Variants in NDST4 observed in about 807,000 individuals in gnomAD.
NDST4 encodes the protein N-heparan sulfate sulfotransferase 4.
A neutral mutation model predicts 100.8 loss-of-function variants in NDST4; 63 were observed. The observed-to-expected ratio is 0.62, with a 90% CI of 0.51 to 0.77. NDST4 has a LOEUF of 0.77. Among genes scored for constraint, NDST4 ranks in the 30% least tolerant of loss-of-function variants. NDST4 has a pLI of 0.00. For missense variants in NDST4, 943 were observed against 1,018.4 expected (o/e 0.93, Z 1.01); for synonymous variants, 377 against 361.8 (o/e 1.04, Z -0.48).
intron 2 of NDST4, among the ~76,000 whole-genome samples, chr4:115,056,311 C>T (rs1029098655): frequency 1.3e-5 from 2 of 152,002 alleles, no homozygotes; most frequent in East Asian, 1.9e-4. Flanking sequence ...TATGATCACT[C>T]CAGTCTGGGC....
chr4:115,051,381 C>A (rs941041505), intron 2 of NDST4, among the ~76,000 whole-genome samples: 38 of 152,110 alleles, frequency 2.5e-4, no homozygotes, highest in African/African-American at 8.7e-4. Context: ...GTAATAACCA[C>A]ATTTACGTTC....
chr4:114,882,692 A>G (rs1724396137), intron 6 of NDST4, among the ~76,000 whole-genome samples: 2 of 152,130 alleles, frequency 1.3e-5, no homozygotes, highest in Admixed American at 6.6e-5. Context: ...GTGGTGCAGA[A>G]GAAAATTTAA....
At chr4:114,981,281 A>G (rs1305563656) in intron 2 of NDST4, among the ~76,000 whole-genome samples, 1 of 151,894 alleles carries the variant, frequency 6.6e-6, no homozygotes, top group East Asian at 1.9e-4. Context: ...AAGCAGGAAA[A>G]AGAATGAGAG....
intron 4 of NDST4, among the ~76,000 whole-genome samples, chr4:114,941,652 G>A (rs1725753529): frequency 6.6e-6 from 1 of 152,148 alleles, no homozygotes; most frequent in African/African-American, 2.4e-5. Flanking sequence ...AGTGTTTGGT[G>A]CCCATTTGCA....
intron 2 of NDST4, among the ~76,000 whole-genome samples, chr4:115,063,627 TC>T (rs1219559835): frequency 6.6e-6 from 1 of 151,508 alleles, no homozygotes; most frequent in Non-Finnish European, 1.5e-5. Context: ...CTGAGGAGGC[TC>T]ATTATAATCT....
intron 6 of NDST4, among the ~76,000 whole-genome samples, chr4:114,886,283 T>C (rs1724475627): frequency 6.6e-6 from 1 of 152,120 alleles, no homozygotes; most frequent in South Asian, 2.1e-4. Context: ...TCTTACGTGG[T>C]AGAAAAAGTC....
intron 6 of NDST4, among the ~76,000 whole-genome samples, chr4:114,892,651 C>T (rs1022067572): frequency 1.3e-5 from 2 of 151,940 alleles, no homozygotes; most frequent in Admixed American, 6.6e-5. Context: ...AATGGGTATA[C>T]CGGAGATAAG....
chr4:115,077,677 G>T lies in NDST4; in HGVS notation c.-246-395C>A, dbSNP rs553170727. 1.6e-4 allele frequency among the ~76,000 whole-genome samples: 24 copies of T among 152,306 alleles called. No individual in the cohort carries two copies. The East Asian group carries it at 4.4e-3, about 28-fold the overall frequency. Reference sequence around the variant, plus strand: ...TATAAAATTAGGAAATCAGGAATCAGGGGCTTAGAGCAATTAAACATGCTC... The same window carrying T: ...TATAAAATTAGGAAATCAGGAATCATGGGCTTAGAGCAATTAAACATGCTC... On this transcript the variant is annotated intron_variant, in intron 1 of 13. Transcript: ENST00000264363.
Position 114,847,416 on chromosome 4 carries a change from A to AAAAAAAT in NDST4, c.1940+798_1940+799insATTTTTT, listed in dbSNP as rs1391736224. On this transcript the variant is annotated intron_variant, in intron 9 of 13. Transcript: ENST00000264363. ...AAAAAAAAAAAAAAAAAAAAAAAAA[A>AAAAAAAT]GTGTCTTTCATTGCAAACAGGTTCA... is the stretch of plus-strand genomic sequence containing the variant. Among the ~76,000 whole-genome samples the AAAAAAAT allele has an allele frequency of 1.6e-3, 165 of 103,632 alleles. 31 individuals carry two copies. Among genetic ancestry groups the AAAAAAAT allele is most frequent in the Middle Eastern group, 5.4e-3 (1 of 186 alleles). The allele number at this position is 103,632 out of a possible 152,430, so 68.0% of individuals were successfully genotyped here.
intron 12 of NDST4, among the ~76,000 whole-genome samples, chr4:114,832,918 C>T (rs943056796): frequency 1.3e-5 from 2 of 152,154 alleles, no homozygotes; most frequent in East Asian, 1.9e-4. Context: ...GATTCAGAGA[C>T]GTGAGTAAAG....
intron 6 of NDST4, chr4:114,935,000 C>G (rs1046867467): frequency 1.1e-5 from 3 of 263,510 alleles, no homozygotes; most frequent in African/African-American, 2.2e-5. Flanking sequence ...AAAGTAAAAA[C>G]CATGACTTTG....
At position 114,976,009 on chromosome 4, in the gene NDST4, T is replaced by C. The variant is rs75799683; in HGVS notation, c.1066+1178A>G. Among the ~76,000 whole-genome samples, 933 of 152,210 alleles carry C rather than the reference T, an allele frequency of 6.1e-3. 8 individuals are homozygous for C. The highest frequency in any genetic ancestry group is 0.021 in the African/African-American group (873 of 41,572). On this transcript the variant is annotated intron_variant, in intron 3 of 13. Coordinates refer to ENST00000264363, the MANE Select transcript of NDST4 (RefSeq NM_022569.3). ...AAATCATTTGATTTATCAACTCGTA[T>C]ACATACTAATTTTCCTTCTATTACT...
chr4:115,039,459 C>A (rs1001224483), intron 2 of NDST4, among the ~76,000 whole-genome samples: 1 of 151,726 alleles, frequency 6.6e-6, no homozygotes, highest in African/African-American at 2.4e-5. Flanking sequence ...ACTTGTTGGT[C>A]AAATCCGAAT....
chr4:114,925,786 A>T (rs887767672), intron 6 of NDST4, among the ~76,000 whole-genome samples: 2 of 152,182 alleles, frequency 1.3e-5, no homozygotes, highest in Admixed American at 6.5e-5. Context: ...ATTTTAGAGC[A>T]TTCTACAATC....
At chr4:115,000,786 T>C (rs1358600021) in intron 2 of NDST4, among the ~76,000 whole-genome samples, 1 of 152,110 alleles carries the variant, frequency 6.6e-6, no homozygotes, top group Non-Finnish European at 1.5e-5. Flanking sequence ...GTCCATTTGG[T>C]CGGCTATAAC....
Position 115,076,179 on chromosome 4 carries a change from A to G in NDST4, c.858T>C (p.Asp286=), listed in dbSNP as rs756922818. Residue 286 remains aspartate, a synonymous_variant, in exon 2 of 14, where the codon GAT becomes GAC. Coordinates refer to ENST00000264363, the MANE Select transcript of NDST4 (RefSeq NM_022569.3). ...NFWLHKLIFI[D]AISFLSGKRL... ...TCTTCCCTGACAAGAAGGAGATGGCATCTATGAAGATGAGCTTGTGCAGCC... is the reference window on the plus strand; with the variant it reads ...TCTTCCCTGACAAGAAGGAGATGGCGTCTATGAAGATGAGCTTGTGCAGCC... 1.4e-5 allele frequency: 22 copies of G among 1,613,870 alleles called. No individual in the cohort carries two copies. Among genetic ancestry groups the G allele is most frequent in the South Asian group, 6.6e-5 (6 of 91,094 alleles).
At position 114,911,729 on chromosome 4, in the gene NDST4, C is replaced by T. The variant is rs190665240; in HGVS notation, c.1536+23477G>A. Among the ~76,000 whole-genome samples the T allele has an allele frequency of 1.9e-3, 294 of 152,192 alleles. 2 individuals are homozygous for T. The highest frequency in any genetic ancestry group is 6.8e-3 in the African/African-American group (283 of 41,528). On this transcript the variant is annotated intron_variant, in intron 6 of 13. Coordinates refer to ENST00000264363, the MANE Select transcript of NDST4 (RefSeq NM_022569.3). ...GTATTGGGTATTTTTTCCTTTAAAA[C>T]CTCAAAATAGTCTCTTCTAAATTGC...
intron 2 of NDST4, among the ~76,000 whole-genome samples, chr4:115,075,675 C>G (rs575397526): frequency 1.1e-4 from 16 of 149,524 alleles, no homozygotes; most frequent in African/African-American, 3.9e-4. Context: ...ATCCCAGCTA[C>G]TCGGGAGGCT....
intron 6 of NDST4, among the ~76,000 whole-genome samples, chr4:114,891,289 T>G (rs1205778904): frequency 6.6e-6 from 1 of 152,116 alleles, no homozygotes; most frequent in Non-Finnish European, 1.5e-5. Context: ...ATTAAAGGTC[T>G]TAGCTTCCAT....
Sources: gnomAD v4.1 joint callset for allele counts (sites outside exome capture counted in the v4.1 genomes callset) on GRCh38, gnomAD v4.1.1 for gene constraint, MANE v1.5 for transcripts, NCBI Gene and HGNC (gene_info 2026-07-23, HGNC 2026-07-21) for gene names.